Variants in TNFRSF8 observed in about 807,000 individuals in gnomAD.
TNFRSF8 encodes the protein TNF receptor superfamily member 8, also known as tumor necrosis factor receptor superfamily member 8.
A neutral mutation model predicts 70.8 loss-of-function variants in TNFRSF8; 26 were observed. That is an observed-to-expected ratio of 0.37 (90% confidence interval 0.27 to 0.51). The LOEUF is 0.51. TNFRSF8 is among the 20% of genes least tolerant of loss of function. The probability of loss-of-function intolerance (pLI) is 0.94; values close to 1 mark genes in which losing one functional copy is unlikely to be tolerated. For synonymous variants in TNFRSF8, 356 were observed against 339.2 expected (o/e 1.05, Z -0.54); for missense variants, 720 against 807.9 (o/e 0.89, Z 1.32).
chr1:12,118,299 C>CG (rs1641770659), intron 8 of TNFRSF8, among the ~76,000 whole-genome samples: 1 of 151,780 alleles, frequency 6.6e-6, no homozygotes, highest in Non-Finnish European at 1.5e-5. Context: ...TTAGTAGAGA[C>CG]GGGGTTTCAC....
chr1:12,075,385 C>T (rs898036955), intron 1 of TNFRSF8, among the ~76,000 whole-genome samples: 2 of 152,042 alleles, frequency 1.3e-5, no homozygotes, highest in Non-Finnish European at 2.9e-5. Flanking sequence ...TGCGCCTGTC[C>T]GTGTTCTGCC....
chr1:12,081,712 G>A (rs970712732), intron 1 of TNFRSF8, among the ~76,000 whole-genome samples: 8 of 151,134 alleles, frequency 5.3e-5, no homozygotes, highest in Non-Finnish European at 8.8e-5. Flanking sequence ...TTCCAGCCAC[G>A]CTGCTGCTTT....
At chr1:12,080,311 T>A in intron 1 of TNFRSF8, 1 of 524,124 alleles carries the variant, frequency 1.9e-6, no homozygotes, top group South Asian at 1.4e-5. Context: ...GTGGAACATA[T>A]GCCTTCTTCT....
chr1:12,093,124 G>T (rs1641273796), intron 2 of TNFRSF8, among the ~76,000 whole-genome samples: 1 of 152,088 alleles, frequency 6.6e-6, no homozygotes, highest in Admixed American at 6.6e-5. Context: ...CTTTTCATGA[G>T]AACACCGGTC....
At chr1:12,076,814 GGA>G (rs943263475) in intron 1 of TNFRSF8, among the ~76,000 whole-genome samples, 2 of 152,122 alleles carry the variant, frequency 1.3e-5, no homozygotes, top group Non-Finnish European at 2.9e-5. Context: ...CACTGAGTGT[GGA>G]GAGAGGGGTT....
intron 2 of TNFRSF8, among the ~76,000 whole-genome samples, chr1:12,094,787 G>A (rs937313415): frequency 6.6e-6 from 1 of 151,804 alleles, no homozygotes; most frequent in South Asian, 2.1e-4. Flanking sequence ...CACCATGCCC[G>A]GCTAATTTTT....
chr1:12,123,171 T>A (rs536545110), intron 8 of TNFRSF8, 113 bp from the exon 9 acceptor site: 6 of 837,504 alleles, frequency 7.2e-6, no homozygotes, highest in Non-Finnish European at 1.1e-5. Flanking sequence ...TCTGACTGTC[T>A]TAGCTCCCAC....
At chr1:12,089,404 TC>T (rs1641208321) in intron 2 of TNFRSF8, among the ~76,000 whole-genome samples, 1 of 152,152 alleles carries the variant, frequency 6.6e-6, no homozygotes, top group South Asian at 2.1e-4. Context: ...GCTTCCATTG[TC>T]CCCCTGGCAC....
Position 12,063,696 on chromosome 1 carries a change from C to A in TNFRSF8, c.63+35C>A. 2 of 1,264,640 alleles carry A rather than the reference C, an allele frequency of 1.6e-6. No individual in the cohort carries two copies. Among genetic ancestry groups the A allele is most frequent in the East Asian group, 3.2e-5 (1 of 31,730 alleles). The allele number at this position is 1,264,640 out of a possible 1,614,324, so 78.3% of individuals were successfully genotyped here. A position where few individuals can be genotyped will look rare whatever the true frequency, so the allele number is the denominator to read the frequency against. ...TGACGGGCGCCTGGGGAGGTGCCGG[C>A]GGTCCAGAGCCCGGACAGTGTGGGG... On this transcript the variant is annotated intron_variant, in intron 1 of 14. Coordinates refer to ENST00000263932, the MANE Select transcript of TNFRSF8 (RefSeq NM_001243.5). This position sits in a 1 kb window ranked among gnomAD's most constrained non-coding sequence, Gnocchi z 7.2.
At chr1:12,131,929 G>A (rs1403677782) in intron 12 of TNFRSF8, among the ~76,000 whole-genome samples, 2 of 151,998 alleles carry the variant, frequency 1.3e-5, no homozygotes, top group African/African-American at 4.8e-5. Flanking sequence ...GAGTAGCTGG[G>A]ATTATAGGCG....
chr1:12,083,170 A>G (rs983537790), intron 1 of TNFRSF8, among the ~76,000 whole-genome samples: 1 of 152,232 alleles, frequency 6.6e-6, no homozygotes, highest in African/African-American at 2.4e-5. Context: ...AAGTGCTGAC[A>G]AGGATGTGGA....
chr1:12,124,553 G>T (rs1641895791), intron 10 of TNFRSF8, among the ~76,000 whole-genome samples: 1 of 152,214 alleles, frequency 6.6e-6, no homozygotes, highest in African/African-American at 2.4e-5. Flanking sequence ...GCTGGACGCG[G>T]TGGCTCACGC....
Position 12,108,401 on chromosome 1 carries a change from T to A in TNFRSF8, c.422-1165T>A, listed in dbSNP as rs12736809. Among the ~76,000 whole-genome samples, 62,490 of 151,882 alleles carry A rather than the reference T, an allele frequency of 0.41. 13,865 individuals carry two copies. Among genetic ancestry groups the A allele is most frequent in the African/African-American group, 0.58 (24,036 of 41,428 alleles). On this transcript the variant is annotated intron_variant, in intron 4 of 14. Coordinates refer to ENST00000263932, the MANE Select transcript of TNFRSF8 (RefSeq NM_001243.5). This position sits in a 1 kb window ranked among gnomAD's most constrained non-coding sequence, Gnocchi z 4.0. Reference sequence around the variant, plus strand: ...CGACATACGGGTCACCTTCTAAGTGTTGGGATGGGAGTCCAGATGGGTGTA... The same window carrying A: ...CGACATACGGGTCACCTTCTAAGTGATGGGATGGGAGTCCAGATGGGTGTA...
Position 12,088,731 on chromosome 1 carries a change from G to A in TNFRSF8, c.151+4180G>A, listed in dbSNP as rs1449976879. On this transcript the variant is annotated intron_variant, in intron 2 of 14. Transcript: ENST00000263932. This position sits in a 1 kb window ranked among gnomAD's most constrained non-coding sequence, Gnocchi z 4.0. ...GCAGGTGTATCCCATCTTGTCCCAG[G>A]AGCTGAGGGTTCCTCCGAAGGCTGT... 6.6e-6 allele frequency among the ~76,000 whole-genome samples: 1 copy of A among 152,236 alleles called. No individual in the cohort carries two copies. Among genetic ancestry groups the A allele is most frequent in the African/African-American group, 2.4e-5 (1 of 41,450 alleles).
intron 2 of TNFRSF8, among the ~76,000 whole-genome samples, chr1:12,085,046 C>T (rs1324624254): frequency 6.6e-6 from 1 of 152,190 alleles, no homozygotes; most frequent in East Asian, 1.9e-4. Flanking sequence ...TGTCAACATC[C>T]TCTGACCACC....
chr1:12,101,252 C>A (rs1461303304), intron 3 of TNFRSF8, among the ~76,000 whole-genome samples: 7 of 151,840 alleles, frequency 4.6e-5, no homozygotes, highest in Admixed American at 3.9e-4. Context: ...CAGTGAGATC[C>A]CCATCTCTAC....
At chr1:12,067,896 G>A (rs973196987) in intron 1 of TNFRSF8, among the ~76,000 whole-genome samples, 31 of 122,578 alleles carry the variant, frequency 2.5e-4, no homozygotes, top group Admixed American at 2.2e-3. Flanking sequence ...CAAGGACGGC[G>A]GGGGGGCGGG....
chr1:12,142,356 G>C lies in TNFRSF8; in HGVS notation c.1613G>C (p.Arg538Pro). ...GTGAAGGCTGAGCTGCCGGAGGGCC[G>C]GGGCCTGGCGGGGCCAGCAGAGCCC... ...GTVKAELPEG[R>P]GLAGPAEPEL... The change falls in exon 15 of 15, where the codon CGG becomes CCG. Residue 538 changes from arginine (R) to proline (P), a missense_variant. Coordinates refer to ENST00000263932, the MANE Select transcript of TNFRSF8 (RefSeq NM_001243.5). The surrounding 1 kb of genome is among the most constrained non-coding windows in gnomAD (Gnocchi z 5.0). 1 of 1,607,560 alleles carries C rather than the reference G, an allele frequency of 6.2e-7. No individual in the cohort carries two copies. Among genetic ancestry groups the C allele is most frequent in the Non-Finnish European group, 8.5e-7 (1 of 1,177,258 alleles).
chr1:12,142,180 C>T lies in TNFRSF8; in HGVS notation c.1544-107C>T, dbSNP rs1475202042. On this transcript the variant is annotated intron_variant, in intron 14 of 14. Transcript: ENST00000263932. This position sits in a 1 kb window ranked among gnomAD's most constrained non-coding sequence, Gnocchi z 5.0. ...AGAGGCTGTGCCATCAGCCTGAAGC[C>T]ACCCGGCAGGTGTACCAGCACTGGG... is the stretch of plus-strand genomic sequence containing the variant. The T allele has an allele frequency of 1.2e-4, 174 of 1,437,138 alleles. No individual in the cohort carries two copies. The highest frequency in any genetic ancestry group is 2.9e-5 in the South Asian group (2 of 68,034). The allele number at this position is 1,437,138 out of a possible 1,614,324, so 89.0% of individuals were successfully genotyped here.
Sources: gnomAD v4.1 joint callset for allele counts (sites outside exome capture counted in the v4.1 genomes callset) on GRCh38, gnomAD v4.1.1 for gene constraint, Gnocchi (gnomAD v3.1) non-coding constraint, MANE v1.5 for transcripts, NCBI Gene and HGNC (gene_info 2026-07-23, HGNC 2026-07-21) for gene names.